Variants in WDR37 observed in about 807,000 individuals in gnomAD.
The protein encoded by WDR37 is WD repeat-containing protein 37.
Under a neutral mutation model 62.9 loss-of-function variants are expected in WDR37, and 19 were observed. That is an observed-to-expected ratio of 0.30 (90% CI 0.21 to 0.44). The LOEUF (loss-of-function observed/expected upper bound fraction) is 0.44, where lower values mean the gene tolerates loss of function less well. Among genes scored for constraint, WDR37 ranks in the 20% least tolerant of loss-of-function variants. The pLI, the probability that WDR37 is intolerant of heterozygous loss-of-function variation, is 1.00. For missense variants in WDR37, 474 were observed against 657.6 expected (o/e 0.72, Z 3.05); for synonymous variants, 250 against 260.9 (o/e 0.96, Z 0.40).
chr10:1,063,070 A>G (rs1833420616), intron 1 of WDR37, among the ~76,000 whole-genome samples: 1 of 150,650 alleles, frequency 6.6e-6, no homozygotes, highest in African/African-American at 2.5e-5. Context: ...TGGGGAACAG[A>G]GCGACACTCT....
intron 11 of WDR37, among the ~76,000 whole-genome samples, chr10:1,110,947 T>C (rs1041367764): frequency 6.6e-6 from 1 of 152,244 alleles, no homozygotes; most frequent in African/African-American, 2.4e-5. Context: ...TTTTACAGGG[T>C]GATCCTGAGT....
chr10:1,126,324 T>C (rs929870252), intron 13 of WDR37, among the ~76,000 whole-genome samples: 5 of 143,052 alleles, frequency 3.5e-5, no homozygotes, highest in Admixed American at 3.3e-4. Flanking sequence ...GAGAATGGCG[T>C]GAACCCAGGA....
At chr10:1,087,024 A>T (rs545048893) in intron 7 of WDR37, among the ~76,000 whole-genome samples, 1 of 152,320 alleles carries the variant, frequency 6.6e-6, no homozygotes, top group South Asian at 2.1e-4. Flanking sequence ...ACAGAGGGAC[A>T]GGTGTGGGTG....
chr10:1,089,568 C>T (rs530321579), intron 7 of WDR37, among the ~76,000 whole-genome samples: 100 of 152,200 alleles, frequency 6.6e-4, no homozygotes, highest in Admixed American at 1.6e-3. Flanking sequence ...ATTGGCTTTC[C>T]GTTCTTCACG....
At chr10:1,065,308 C>T (rs1225559188) in intron 1 of WDR37, among the ~76,000 whole-genome samples, 1 of 152,046 alleles carries the variant, frequency 6.6e-6, no homozygotes, top group Non-Finnish European at 1.5e-5. Flanking sequence ...TTTATGTGAA[C>T]TGGTAAAATG....
rs184983354 is a variant in WDR37, at chr10:1,080,645, C to G, written c.396+169C>G. Among the ~76,000 whole-genome samples the G allele has an allele frequency of 5.8e-3, 879 of 152,324 alleles. 11 individuals are homozygous for G. Among genetic ancestry groups the G allele is most frequent in the African/African-American group, 0.02 (832 of 41,570 alleles). ...TCCTGGCTGGGCATGGTGGCTCATG[C>G]TTGTAATCCCAGCACTTTGGGAGGC... On this transcript the variant is annotated intron_variant, in intron 5 of 13. Transcript: ENST00000263150.
At position 1,085,227 on chromosome 10, in the gene WDR37, C is replaced by T. The variant is rs535884491; in HGVS notation, c.532+689C>T. On this transcript the variant is annotated intron_variant, in intron 6 of 13. Coordinates refer to ENST00000263150, the MANE Select transcript of WDR37 (RefSeq NM_014023.4). Reference sequence around the variant, plus strand: ...GACCTTGTGATCTGCCTGCCTTGGGCTCCCAAAGTGTTGGGATTACAGGCG... The same window carrying T: ...GACCTTGTGATCTGCCTGCCTTGGGTTCCCAAAGTGTTGGGATTACAGGCG... 4.6e-5 allele frequency among the ~76,000 whole-genome samples: 7 copies of T among 152,140 alleles called. No individual in the cohort carries two copies. The East Asian group carries it at 7.7e-4, about 17-fold the overall frequency.
chr10:1,071,785 ATGCAATTAACAT>A (rs1833737204), intron 1 of WDR37, among the ~76,000 whole-genome samples: 1 of 152,210 alleles, frequency 6.6e-6, no homozygotes, highest in African/African-American at 2.4e-5. Context: ...AGTCTAGAAT[ATGCAATTAACAT>A]TGGTTCCCTC....
At chr10:1,128,573 A>G (rs895267074) in intron 13 of WDR37, among the ~76,000 whole-genome samples, 3 of 152,268 alleles carry the variant, frequency 2.0e-5, no homozygotes, top group South Asian at 2.1e-4. Flanking sequence ...TTAAAATGCA[A>G]TTTGAAGTCT....
intron 13 of WDR37, among the ~76,000 whole-genome samples, chr10:1,127,914 C>G (rs1461737360): frequency 6.6e-6 from 1 of 152,246 alleles, no homozygotes; most frequent in Non-Finnish European, 1.5e-5. Flanking sequence ...AGGTGAAAGC[C>G]TGGCTGGCTT....
At chr10:1,069,389 A>ATATATATTTTTTTTTTTTTT in intron 1 of WDR37, among the ~76,000 whole-genome samples, 3 of 95,806 alleles carry the variant, frequency 3.1e-5, no homozygotes, top group Admixed American at 2.4e-4. Flanking sequence ...ATATATATAT[A>ATATATATTTTTTTTTTTTTT]TTTTTTTTTT....
intron 11 of WDR37, among the ~76,000 whole-genome samples, chr10:1,107,473 C>CAG (rs1232661549): frequency 6.6e-6 from 1 of 152,270 alleles, no homozygotes; most frequent in Non-Finnish European, 1.5e-5. Context: ...TAAAAACCAA[C>CAG]AGAGTAGTAC....
At chr10:1,114,552 C>G (rs1313665944) in intron 11 of WDR37, among the ~76,000 whole-genome samples, 1 of 152,222 alleles carries the variant, frequency 6.6e-6, no homozygotes, top group Non-Finnish European at 1.5e-5. Flanking sequence ...GCTCACTTAA[C>G]AGACTACAGG....
chr10:1,102,257 CCT>C (rs531689760), intron 9 of WDR37, among the ~76,000 whole-genome samples: 21 of 147,616 alleles, frequency 1.4e-4, no homozygotes, highest in African/African-American at 5.3e-4. Context: ...GCTGTGCGTC[CCT>C]GTGACGTGCG....
At chr10:1,081,942 A>G (rs1834041423) in intron 5 of WDR37, among the ~76,000 whole-genome samples, 2 of 152,336 alleles carry the variant, frequency 1.3e-5, no homozygotes, top group Middle Eastern at 6.8e-3. Context: ...GGACAAGGGT[A>G]AGGATATGTA....
intron 11 of WDR37, among the ~76,000 whole-genome samples, chr10:1,107,806 GCTGT>G (rs1015439206): frequency 1.3e-5 from 2 of 149,708 alleles, no homozygotes; most frequent in African/African-American, 5.0e-5. Context: ...TTGCAGCACT[GCTGT>G]CTCTCTTTAC....
At chr10:1,089,669 GCC>G (rs1834319209) in intron 7 of WDR37, among the ~76,000 whole-genome samples, 1 of 105,246 alleles carries the variant, frequency 9.5e-6, no homozygotes, top group Non-Finnish European at 2.2e-5. Context: ...CCGCAGTTCG[GCC>G]TTCCCGTGCT....
At chr10:1,059,572 G>T (rs1833307699) in intron 1 of WDR37, among the ~76,000 whole-genome samples, 1 of 152,042 alleles carries the variant, frequency 6.6e-6, no homozygotes, top group African/African-American at 2.4e-5. Context: ...GCTGGGTCAG[G>T]TGAATCATGA....
Position 1,080,026 on chromosome 10 carries a change from A to T in WDR37, c.251A>T (p.Asp84Val), listed in dbSNP as rs1456778908. 6.2e-7 allele frequency: 1 copy of T among 1,614,134 alleles called. No homozygotes were observed. Residue 84 changes from aspartate to valine, a missense_variant, in exon 4 of 14, where the codon GAC (aspartate) becomes GTC (valine). By Grantham distance (152) the Asp-to-Val change is radical. Coordinates refer to ENST00000263150, the MANE Select transcript of WDR37 (RefSeq NM_014023.4). ...IENLELRREI[D>V]TLNERLAAEG... is the part of the protein sequence containing the mutation. ...TTCTTCCCAGTACGTAGAGAAATCG[A>T]CACTCTTAATGAACGTTTAGCTGCT... is the stretch of plus-strand genomic sequence containing the variant.
Sources: gnomAD v4.1 joint callset for allele counts (sites outside exome capture counted in the v4.1 genomes callset) on GRCh38, gnomAD v4.1.1 for gene constraint, MANE v1.5 for transcripts, NCBI Gene and HGNC (gene_info 2026-07-23, HGNC 2026-07-21) for gene names.